Variants in PLD1 observed in about 807,000 individuals in gnomAD.
The protein encoded by PLD1 is choline phosphatase 1.
A neutral mutation model predicts 137.1 loss-of-function variants in PLD1; 112 were observed. The ratio of observed to expected loss-of-function variants is 0.82; its 90% confidence interval spans 0.70 to 0.96. The LOEUF is 0.96. Among genes scored for constraint, PLD1 ranks in the 40% least tolerant of loss-of-function variants. The pLI, the probability that PLD1 is intolerant of heterozygous loss-of-function variation, is 0.00. For missense variants in PLD1, 1,321 were observed against 1,342.0 expected, an observed-to-expected ratio of 0.98 and a Z score of 0.24; for synonymous variants, 431 against 454.7, an observed-to-expected ratio of 0.95 and a Z score of 0.66.
chr3:171,629,842 C>G (rs1245752261), intron 23 of PLD1, among the ~76,000 whole-genome samples: 1 of 152,306 alleles, frequency 6.6e-6, no homozygotes, highest in South Asian at 2.1e-4. Flanking sequence ...CCCTTCTTTA[C>G]ACCTTATACA....
chr3:171,618,848 AGTGTGTGTGC>A (rs1367512537), intron 24 of PLD1, among the ~76,000 whole-genome samples: 9 of 128,596 alleles, frequency 7.0e-5, no homozygotes, highest in African/African-American at 3.0e-4. Flanking sequence ...AAATATTAAA[AGTGTGTGTGC>A]GTGTGTGTGT....
intron 19 of PLD1, among the ~76,000 whole-genome samples, chr3:171,669,997 C>T (rs1159607656): frequency 1.3e-5 from 2 of 152,158 alleles, no homozygotes; most frequent in African/African-American, 4.8e-5. Context: ...AAGCTTGTGG[C>T]TTCTAAGTTA....
intron 1 of PLD1, among the ~76,000 whole-genome samples, chr3:171,741,107 C>A (rs905039595): frequency 2.6e-5 from 4 of 152,212 alleles, no homozygotes; most frequent in Non-Finnish European, 2.9e-5. Context: ...CCCACAGTCA[C>A]CTCAATTATG....
intron 16 of PLD1, 153 bp from the exon 17 acceptor site, chr3:171,677,847 T>G: frequency 3.0e-6 from 2 of 657,824 alleles, no homozygotes; most frequent in Non-Finnish European, 5.0e-6. Context: ...GGCTGTGGGC[T>G]AACAAGGTTT....
At chr3:171,686,840 C>A in intron 15 of PLD1, 42 bp from the exon 16 acceptor site, 1 of 1,000,536 alleles carries the variant, frequency 1.0e-6, no homozygotes, top group Non-Finnish European at 1.5e-6. Flanking sequence ...ATACAAATAT[C>A]AAATTTTCTA....
intron 23 of PLD1, among the ~76,000 whole-genome samples, chr3:171,639,533 T>C (rs1387680736): frequency 1.0e-4 from 9 of 86,764 alleles, no homozygotes; most frequent in Non-Finnish European, 1.7e-4. Flanking sequence ...ATATAATATA[T>C]ATTATATAAA....
intron 13 of PLD1, among the ~76,000 whole-genome samples, 168 bp from the exon 14 acceptor site, chr3:171,689,044 A>G (rs904920402): frequency 1.3e-5 from 2 of 151,838 alleles, no homozygotes; most frequent in South Asian, 2.1e-4. Context: ...TAGCAAAAAG[A>G]AAAAGAAAAA....
chr3:171,689,781 C>G (rs1346508359), intron 13 of PLD1, among the ~76,000 whole-genome samples: 1 of 152,184 alleles, frequency 6.6e-6, no homozygotes, highest in African/African-American at 2.4e-5. Context: ...GGACTACATG[C>G]ATGAGCCACC....
At chr3:171,706,853 T>G (rs1716734715) in intron 11 of PLD1, among the ~76,000 whole-genome samples, 1 of 152,234 alleles carries the variant, frequency 6.6e-6, no homozygotes, top group Non-Finnish European at 1.5e-5. Flanking sequence ...TTCATTCTCT[T>G]GCTGAAAGTA....
chr3:171,668,533 CT>C (rs1013157598), intron 19 of PLD1, among the ~76,000 whole-genome samples: 13 of 151,184 alleles, frequency 8.6e-5, no homozygotes, highest in South Asian at 4.2e-4. Flanking sequence ...TGAAAATTTT[CT>C]TTTTTTTTCC....
At chr3:171,640,061 C>T (rs958061332) in intron 23 of PLD1, among the ~76,000 whole-genome samples, 30 of 151,776 alleles carry the variant, frequency 2.0e-4, no homozygotes, top group African/African-American at 7.2e-4. Flanking sequence ...CTATTTGTTA[C>T]TTAGTCAGTC....
intron 21 of PLD1, among the ~76,000 whole-genome samples, chr3:171,655,556 TC>T (rs973674386): frequency 1.7e-4 from 26 of 152,056 alleles, no homozygotes; most frequent in African/African-American, 6.3e-4. Context: ...ACAGGTGGTC[TC>T]AAATTTCTAG....
intron 17 of PLD1, 92 bp downstream of exon 17, chr3:171,677,474 A>G: frequency 7.8e-7 from 1 of 1,280,610 alleles, no homozygotes; most frequent in Admixed American, 2.5e-5. Flanking sequence ...AAGCAAAACA[A>G]AAGGCATTTA....
In PLD1 at chr3:171,734,214, G is replaced by A. The variant is rs181977947; in HGVS notation, c.540+651C>T. 1.7e-3 allele frequency among the ~76,000 whole-genome samples: 259 copies of A among 152,258 alleles called. 1 individual carries two copies. The highest frequency in any genetic ancestry group is 5.8e-3 in the African/African-American group (243 of 41,542). On this transcript the variant is annotated intron_variant, in intron 5 of 26. Transcript: ENST00000351298. Reference sequence around the variant, plus strand: ...AGATGCCTACAAAGATTTTAAACAAGATGACAACTACAAAGGAGAAATCAA... The same window carrying A: ...AGATGCCTACAAAGATTTTAAACAAAATGACAACTACAAAGGAGAAATCAA...
chr3:171,621,040 G>A (rs1348530351), intron 23 of PLD1, among the ~76,000 whole-genome samples: 1 of 151,920 alleles, frequency 6.6e-6, no homozygotes, highest in Non-Finnish European at 1.5e-5. Flanking sequence ...TCAGCGTGAA[G>A]CATCAGTTAA....
intron 12 of PLD1, among the ~76,000 whole-genome samples, chr3:171,693,113 TC>T (rs1243251659): frequency 6.6e-6 from 1 of 152,164 alleles, no homozygotes; most frequent in Non-Finnish European, 1.5e-5. Context: ...GCCTATTTAA[TC>T]GAGTCAAATT....
chr3:171,605,190 T>C lies in PLD1; in HGVS notation c.3000+109A>G, dbSNP rs1014472701. On this transcript the variant is annotated intron_variant, in intron 26 of 26. Transcript: ENST00000351298. ...ACAACCTGGACATGTATTAGCTTTTTTACGTTTATTAAGAATACCCTGTAC... is the reference window on the plus strand; with the variant it reads ...ACAACCTGGACATGTATTAGCTTTTCTACGTTTATTAAGAATACCCTGTAC... 9.3e-6 allele frequency: 7 copies of C among 751,888 alleles called. No individual in the cohort carries two copies. The African/African-American group carries it at 1.0e-4, about 11-fold the overall frequency. 46.6% of individuals were successfully genotyped at this position (751,888 alleles called of 1,614,324 possible).
intron 1 of PLD1, chr3:171,792,750 T>C (rs1337521005): frequency 2.2e-6 from 1 of 455,670 alleles, no homozygotes; most frequent in Admixed American, 2.4e-5. Flanking sequence ...TTCCAGCATC[T>C]TTCTAGAGCC....
rs1389242863 is a variant in PLD1, at chr3:171,688,871, C to T, written c.1344G>A (p.Met448Ile). The T allele has an allele frequency of 1.2e-6, 2 of 1,612,248 alleles. No homozygotes were observed. Among genetic ancestry groups the T allele is most frequent in the Non-Finnish European group, 1.7e-6 (2 of 1,178,494 alleles). The change falls in exon 14 of 27, where the codon ATG (methionine) becomes ATA (isoleucine). Residue 448 changes from methionine to isoleucine, a missense_variant. By Grantham distance (10) the Met-to-Ile change is conservative. Transcript: ENST00000351298. The part of the protein sequence containing the change: ...LMRLHPNIKV[M>I]RHPDHVSSTV... ...TGGATGACACATGATCCGGGTGTCT[C>T]ATCACCTTGAGAGGGAATAATCCCC...
Sources: gnomAD v4.1 joint callset for allele counts (sites outside exome capture counted in the v4.1 genomes callset) on GRCh38, gnomAD v4.1.1 for gene constraint, MANE v1.5 for transcripts, NCBI Gene and HGNC (gene_info 2026-07-23, HGNC 2026-07-21) for gene names.